Variants in CXCL13 observed in about 807,000 individuals in gnomAD.
The protein encoded by CXCL13 is C-X-C motif chemokine 13.
CXCL13 carries 7 observed loss-of-function variants against 12.2 expected under a neutral mutation model. That is an observed-to-expected ratio of 0.57 (90% CI 0.33 to 1.07). The LOEUF is 1.07. Among genes scored for constraint, CXCL13 ranks in the 50% least tolerant of loss-of-function variants. The pLI, the probability that CXCL13 is intolerant of heterozygous loss-of-function variation, is 0.04. For synonymous variants in CXCL13, 47 were observed against 42.4 expected, an observed-to-expected ratio of 1.11 and a Z score of -0.42; for missense variants, 113 against 127.4, an observed-to-expected ratio of 0.89 and a Z score of 0.55.
chr4:77,579,413 G>T (rs1051708799), intron 1 of CXCL13, among the ~76,000 whole-genome samples: 1 of 152,126 alleles, frequency 6.6e-6, no homozygotes, highest in African/African-American at 2.4e-5. Context: ...CCTCCCAAAG[G>T]TTGTCCTTTA....
At chr4:77,597,155 G>A (rs1726786399) in intron 1 of CXCL13, among the ~76,000 whole-genome samples, 3 of 152,078 alleles carry the variant, frequency 2.0e-5, no homozygotes, top group Admixed American at 6.5e-5. Flanking sequence ...GTGAGGAGGT[G>A]GGGGAAATAG....
chr4:77,606,214 T>C (rs1407765134), intron 1 of CXCL13, among the ~76,000 whole-genome samples: 1 of 152,244 alleles, frequency 6.6e-6, no homozygotes, highest in African/African-American at 2.4e-5. Context: ...TCCTGCTATA[T>C]ATAATTCTTT....
At chr4:77,555,181 C>A (rs146803124) in intron 1 of CXCL13, among the ~76,000 whole-genome samples, 1 of 150,634 alleles carries the variant, frequency 6.6e-6, no homozygotes, top group African/African-American at 2.4e-5. Context: ...CTAATTAGAC[C>A]AAGAAAAAAA....
intron 1 of CXCL13, among the ~76,000 whole-genome samples, chr4:77,512,747 T>G (rs1724306350): frequency 6.6e-6 from 1 of 152,142 alleles, no homozygotes; most frequent in East Asian, 1.9e-4. Flanking sequence ...GGACACAATT[T>G]AACCCAGAAC....
At chr4:77,577,690 C>CA (rs1726229474) in intron 1 of CXCL13, among the ~76,000 whole-genome samples, 1 of 152,194 alleles carries the variant, frequency 6.6e-6, no homozygotes, top group East Asian at 1.9e-4. Context: ...CCATGAGTAG[C>CA]AAGCACCCTG....
intron 1 of CXCL13, among the ~76,000 whole-genome samples, chr4:77,596,612 C>A (rs1325287071): frequency 2.0e-5 from 3 of 151,964 alleles, no homozygotes; most frequent in South Asian, 4.2e-4. Context: ...TGGTGAAACC[C>A]CATCTCTACT....
chr4:77,548,832 G>A (rs1560522688), intron 1 of CXCL13, among the ~76,000 whole-genome samples: 1 of 152,126 alleles, frequency 6.6e-6, no homozygotes, highest in East Asian at 1.9e-4. Context: ...CCCTTCTCAA[G>A]GAGTATCTTT....
At chr4:77,522,961 C>G (rs1460519827) in intron 1 of CXCL13, among the ~76,000 whole-genome samples, 4 of 152,074 alleles carry the variant, frequency 2.6e-5, no homozygotes, top group African/African-American at 9.7e-5. Context: ...TTCTCCTTTG[C>G]TTATGAATCT....
chr4:77,519,198 C>T (rs933309433), intron 1 of CXCL13, among the ~76,000 whole-genome samples: 3 of 152,124 alleles, frequency 2.0e-5, no homozygotes, highest in African/African-American at 7.2e-5. Flanking sequence ...GTCAGTCTGC[C>T]CCTACTGGGG....
intron 1 of CXCL13, among the ~76,000 whole-genome samples, chr4:77,587,602 C>T (rs562929539): frequency 1.3e-5 from 2 of 152,308 alleles, no homozygotes; most frequent in East Asian, 3.9e-4. Flanking sequence ...ATGCCAGGTA[C>T]AGTACCAAAT....
chr4:77,535,210 A>G (rs1725031354), intron 1 of CXCL13, among the ~76,000 whole-genome samples: 1 of 152,228 alleles, frequency 6.6e-6, no homozygotes, highest in Admixed American at 6.5e-5. Context: ...GGGGGCCTTT[A>G]GGAACTCTGT....
chr4:77,527,644 A>C (rs1237647586), intron 1 of CXCL13, among the ~76,000 whole-genome samples: 1 of 151,562 alleles, frequency 6.6e-6, no homozygotes, highest in Non-Finnish European at 1.5e-5. Context: ...ATAAAAAAAA[A>C]AGAAAGAAAG....
At chr4:77,513,901 A>G (rs140292478) in intron 1 of CXCL13, among the ~76,000 whole-genome samples, 1 of 151,564 alleles carries the variant, frequency 6.6e-6, no homozygotes, top group Non-Finnish European at 1.5e-5. Context: ...GTGTGCTGCA[A>G]CCACTAACTC....
intron 1 of CXCL13, among the ~76,000 whole-genome samples, chr4:77,521,401 A>T (rs1234928895): frequency 6.6e-6 from 1 of 151,962 alleles, no homozygotes; most frequent in Non-Finnish European, 1.5e-5. Flanking sequence ...AGAGACTGTT[A>T]TTGGTCTATT....
chr4:77,560,226 C>A (rs768367147), intron 1 of CXCL13, among the ~76,000 whole-genome samples: 1 of 152,046 alleles, frequency 6.6e-6, no homozygotes. Context: ...CTTGAGTAAG[C>A]CTTTAGTAAG....
chr4:77,519,894 A>T (rs1724532942), intron 1 of CXCL13, among the ~76,000 whole-genome samples: 1 of 152,214 alleles, frequency 6.6e-6, no homozygotes, highest in African/African-American at 2.4e-5. Flanking sequence ...TTTTCGTATA[A>T]GGTGTAAGGA....
At chr4:77,543,472 C>G (rs900546761) in intron 1 of CXCL13, among the ~76,000 whole-genome samples, 1 of 152,066 alleles carries the variant, frequency 6.6e-6, no homozygotes, top group South Asian at 2.1e-4. Flanking sequence ...ATCTTTCCAA[C>G]TTTTTGACAT....
chr4:77,561,709 G>A (rs141289764), intron 1 of CXCL13, among the ~76,000 whole-genome samples: 1 of 152,358 alleles, frequency 6.6e-6, no homozygotes, highest in East Asian at 1.9e-4. Context: ...GCAGCAGTGA[G>A]AGGTGATGGT....
intron 1 of CXCL13, among the ~76,000 whole-genome samples, chr4:77,580,308 C>CTTTTTTTTTTTTTTTTTTCTT (rs1726291365): frequency 5.7e-5 from 1 of 17,628 alleles, no homozygotes; most frequent in Non-Finnish European, 1.1e-4. Context: ...AGTTTTCTTT[C>CTTTTTTTTTTTTTTTTTTCTT]TTTTTTTTTT....
Sources: gnomAD v4.1 joint callset for allele counts (sites outside exome capture counted in the v4.1 genomes callset) on GRCh38, gnomAD v4.1.1 for gene constraint, MANE v1.5 for transcripts, NCBI Gene and HGNC (gene_info 2026-07-23, HGNC 2026-07-21) for gene names.